NRXN1: variants seen among roughly 807,000 people sequenced by gnomAD.
NRXN1 encodes the protein neurexin 1, also known as neurexin-1.
In NRXN1, 39 loss-of-function variants were observed where a neutral mutation model predicts 150.9. The observed-to-expected ratio is 0.26, with a 90% CI of 0.20 to 0.34. The LOEUF (loss-of-function observed/expected upper bound fraction) is 0.34. NRXN1 is among the 10% of genes least tolerant of loss of function. The probability of loss-of-function intolerance (pLI) is 1.00; values close to 1 mark genes in which losing one functional copy is unlikely to be tolerated. For synonymous variants in NRXN1, 924 were observed against 757.0 expected (o/e 1.22, Z -3.62); for missense variants, 1,815 against 1,949.9 (o/e 0.93, Z 1.30).
chr2:50,339,069 T>G (rs928176017), intron 17 of NRXN1, among the ~76,000 whole-genome samples: 8 of 152,150 alleles, frequency 5.3e-5, no homozygotes, highest in Non-Finnish European at 7.4e-5. Context: ...AATAATTACA[T>G]GTACCATCGT....
chr2:50,511,332 G>C (rs1363725131), intron 12 of NRXN1, among the ~76,000 whole-genome samples: 2 of 152,180 alleles, frequency 1.3e-5, no homozygotes, highest in African/African-American at 2.4e-5. Flanking sequence ...TGGAATTACA[G>C]GTGCGGACCA....
intron 19 of NRXN1, 96 bp downstream of exon 19, chr2:50,091,226 AG>A: frequency 7.1e-7 from 1 of 1,416,476 alleles, no homozygotes; most frequent in African/African-American, 1.4e-5. Context: ...ATGGTTTCTC[AG>A]AAAACCACAA....
chr2:50,591,439 GAT>G, intron 8 of NRXN1, among the ~76,000 whole-genome samples: 1 of 145,424 alleles, frequency 6.9e-6, no homozygotes, highest in East Asian at 2.0e-4. Context: ...TAGATAGATA[GAT>G]GTATACTAGT....
chr2:50,655,766 G>C (rs1354054052), intron 5 of NRXN1, among the ~76,000 whole-genome samples: 1 of 151,798 alleles, frequency 6.6e-6, no homozygotes, highest in East Asian at 1.9e-4. Flanking sequence ...AACGTAACTA[G>C]TGTATATGAT....
At chr2:50,542,053 G>A (rs987751272) in intron 9 of NRXN1, among the ~76,000 whole-genome samples, 8 of 152,190 alleles carry the variant, frequency 5.3e-5, no homozygotes, top group Non-Finnish European at 1.0e-4. Context: ...AGACCAAGGC[G>A]GGTGGATCAC....
chr2:49,939,464 T>C (rs1671602093), intron 22 of NRXN1, among the ~76,000 whole-genome samples: 1 of 152,186 alleles, frequency 6.6e-6, no homozygotes, highest in Admixed American at 6.5e-5. Flanking sequence ...GCCATCCTTT[T>C]GTATTCTGAA....
chr2:50,560,315 T>A (rs1668862345), intron 8 of NRXN1, among the ~76,000 whole-genome samples: 1 of 152,136 alleles, frequency 6.6e-6, no homozygotes, highest in Non-Finnish European at 1.5e-5. Context: ...AGGAGACAGG[T>A]GGGCATCCAG....
chr2:51,007,787 A>G (rs1038619388), intron 2 of NRXN1, among the ~76,000 whole-genome samples: 22 of 151,944 alleles, frequency 1.4e-4, no homozygotes, highest in Admixed American at 1.4e-3. Context: ...TCTGTAGACA[A>G]CAGCAAATAA....
chr2:50,605,355 C>A (rs1391067936), intron 8 of NRXN1, among the ~76,000 whole-genome samples: 3 of 152,108 alleles, frequency 2.0e-5, no homozygotes, highest in Non-Finnish European at 4.4e-5. Flanking sequence ...GCTTAAGATA[C>A]TGTTGGCACT....
intron 18 of NRXN1, among the ~76,000 whole-genome samples, chr2:50,215,143 T>A (rs1265990371): frequency 6.6e-6 from 1 of 152,042 alleles, no homozygotes; most frequent in African/African-American, 2.4e-5. Flanking sequence ...CTTTACGTTT[T>A]CTTATAATGG....
rs958249178 is a variant in NRXN1 at position 50,190,560 on chromosome 2, C to T, written c.3546+46229G>A. 2.6e-5 allele frequency among the ~76,000 whole-genome samples: 4 copies of T among 151,494 alleles called. No individual in the cohort carries two copies. In the East Asian group the frequency reaches 7.7e-4, roughly 29 times the overall value. ...TTGCCATTTTCTGTTGATTTAGCCT[C>T]TCTTCTATGAAAGTCTCCAAGCCCC... On this transcript the variant is annotated intron_variant, in intron 18 of 22. Coordinates refer to ENST00000401669, the MANE Select transcript of NRXN1 (RefSeq NM_001330078.2).
At position 50,098,830 on chromosome 2, in the gene NRXN1, GTTTTTTTTTTTTTTTTTTTTTTTTTTTT is replaced by G. The variant is rs746736925; in HGVS notation, c.3547-7364_3547-7337del. 1.1e-3 allele frequency among the ~76,000 whole-genome samples: 112 copies of G among 105,564 alleles called. 2 individuals carry two copies. The highest frequency in any genetic ancestry group is 3.1e-3 in the African/African-American group (90 of 28,710). 69.3% of individuals were successfully genotyped at this position (105,564 alleles called of 152,430 possible). A position where few individuals can be genotyped will look rare whatever the true frequency, so the allele number is the denominator to read the frequency against. On this transcript the variant is annotated intron_variant, in intron 18 of 22. Coordinates refer to ENST00000401669, the MANE Select transcript of NRXN1 (RefSeq NM_001330078.2). ...GTGCATGGTTTTGTTTTTGGTTTTA[GTTTTTTTTTTTTTTTTTTTTTTTTTTTT>G]TTTTTTTTTTTTTTTTTTTTTTTTG... is the stretch of plus-strand genomic sequence containing the variant.
intron 18 of NRXN1, among the ~76,000 whole-genome samples, chr2:50,128,313 G>C (rs75396299): frequency 0.011 from 1,638 of 152,202 alleles, 38 homozygotes; most frequent in African/African-American, 0.038. Flanking sequence ...TCGTCCCTTC[G>C]AACCAACTTT....
rs72829146 is a variant in NRXN1 at position 50,425,189 on chromosome 2, C to T, written c.3364+40253G>A. 3.0e-3 allele frequency among the ~76,000 whole-genome samples: 450 copies of T among 152,300 alleles called. 1 individual carries two copies. Among genetic ancestry groups the T allele is most frequent in the Admixed American group, 5.6e-3 (85 of 15,300 alleles). ...ATTCTTTCAAGATCCTAAGATGCAA[C>T]ACTAAAACATAATTGCTTGTATTAA... On this transcript the variant is annotated intron_variant, in intron 17 of 22. Coordinates refer to ENST00000401669, the MANE Select transcript of NRXN1 (RefSeq NM_001330078.2).
intron 17 of NRXN1, among the ~76,000 whole-genome samples, chr2:50,412,736 G>C (rs78146849): frequency 0.023 from 3,502 of 152,128 alleles, 133 homozygotes; most frequent in African/African-American, 0.08. Context: ...ATAACACTCA[G>C]GGTATGCAGA....
chr2:50,596,613 A>G (rs560671083), intron 8 of NRXN1, among the ~76,000 whole-genome samples: 1 of 152,270 alleles, frequency 6.6e-6, no homozygotes, highest in Admixed American at 6.5e-5. Context: ...CAGTAATTTT[A>G]TTACAACTAC....
chr2:50,315,420 A>C (rs1413076297), intron 17 of NRXN1, among the ~76,000 whole-genome samples: 1 of 152,140 alleles, frequency 6.6e-6, no homozygotes, highest in Non-Finnish European at 1.5e-5. Flanking sequence ...ACTAAAATGG[A>C]ATCTATAAGC....
At chr2:50,144,573 G>T (rs952809611) in intron 18 of NRXN1, among the ~76,000 whole-genome samples, 4 of 151,784 alleles carry the variant, frequency 2.6e-5, no homozygotes, top group Non-Finnish European at 4.4e-5. Context: ...GAACTACACG[G>T]ATAAAGAAGA....
chr2:50,247,929 A>C (rs909159495), intron 17 of NRXN1, among the ~76,000 whole-genome samples: 5 of 152,152 alleles, frequency 3.3e-5, no homozygotes, highest in African/African-American at 7.2e-5. Context: ...AGGCTCTTTT[A>C]ATTTTTTATA....
Sources: gnomAD v4.1 joint callset for allele counts (sites outside exome capture counted in the v4.1 genomes callset) on GRCh38, gnomAD v4.1.1 for gene constraint, MANE v1.5 for transcripts, NCBI Gene and HGNC (gene_info 2026-07-23, HGNC 2026-07-21) for gene names.